GPATCH2L: variants seen among roughly 807,000 people sequenced by gnomAD.
GPATCH2L encodes G patch domain-containing protein 2-like.
A neutral mutation model predicts 57.4 loss-of-function variants in GPATCH2L; 31 were observed. The observed-to-expected ratio is 0.54, with a 90% CI of 0.41 to 0.73. The LOEUF is 0.73. GPATCH2L is among the 30% of genes least tolerant of loss of function. The pLI, the probability that GPATCH2L is intolerant of heterozygous loss-of-function variation, is 0.00. For missense variants in GPATCH2L, 481 were observed against 599.9 expected, an observed-to-expected ratio of 0.80 and a Z score of 2.07; for synonymous variants, 199 against 210.7, an observed-to-expected ratio of 0.94 and a Z score of 0.48.
At position 76,154,529 on chromosome 14, in the gene GPATCH2L, G is replaced by C; in HGVS notation, c.166G>C (p.Glu56Gln). 2 of 1,614,232 alleles carry C rather than the reference G, an allele frequency of 1.2e-6. No homozygotes were observed. The highest frequency in any genetic ancestry group is 1.1e-5 in the South Asian group (1 of 91,092). ...KRRSDFTHLAEHTCCYSEASE... is the reference protein window; with the variant it reads ...KRRSDFTHLAQHTCCYSEASE... Reference sequence around the variant, plus strand: ...TCGTTCTGACTTCACTCACCTGGCAGAGCATACCTGCTGCTACAGCGAGGC... The same window carrying C: ...TCGTTCTGACTTCACTCACCTGGCACAGCATACCTGCTGCTACAGCGAGGC... The change falls in exon 2 of 10, where the codon GAG (glutamate) becomes CAG (glutamine). Residue 56 changes from glutamate (E) to glutamine (Q), a missense_variant. Glu to Gln is a conservative substitution (Grantham distance 29). Coordinates refer to ENST00000261530, the MANE Select transcript of GPATCH2L (RefSeq NM_017926.4). This position sits in a 1 kb window ranked among gnomAD's most constrained non-coding sequence, Gnocchi z 4.4.
chr14:76,188,061 A>G (rs1243384957), intron 8 of GPATCH2L, among the ~76,000 whole-genome samples: 1 of 152,060 alleles, frequency 6.6e-6, no homozygotes, highest in Non-Finnish European at 1.5e-5. Context: ...ATTCTTTTTT[A>G]TGGCTGAATA....
At chr14:76,231,622 TACAC>T (rs60488808) in intron 2 of GPATCH2L, among the ~76,000 whole-genome samples, 24 of 147,472 alleles carry the variant, frequency 1.6e-4, no homozygotes, top group African/African-American at 4.8e-4. Flanking sequence ...ACTAAACACA[TACAC>T]ACACACACAC....
At position 76,154,664 on chromosome 14, in the gene GPATCH2L, A is replaced by T. The variant is rs1238045064; in HGVS notation, c.301A>T (p.Asn101Tyr). ...GGTAGCCAAACGACACCCAGCTCTCAATGCCATTGTCAAGAGTAAGCAACA... is the reference window on the plus strand; with the variant it reads ...GGTAGCCAAACGACACCCAGCTCTCTATGCCATTGTCAAGAGTAAGCAACA... ...TMVAKRHPAL[N>Y]AIVKSKQHSW... Residue 101 changes from asparagine to tyrosine, a missense_variant, in exon 2 of 10, where the codon AAT becomes TAT. Physicochemically the swap from Asn to Tyr is moderately radical, Grantham distance 143. Transcript: ENST00000261530. The surrounding 1 kb of genome is among the most constrained non-coding windows in gnomAD (Gnocchi z 4.4). 1 of 1,614,042 alleles carries T rather than the reference A, an allele frequency of 6.2e-7. No individual in the cohort carries two copies. Among genetic ancestry groups the T allele is most frequent in the Non-Finnish European group, 8.5e-7 (1 of 1,179,876 alleles).
At chr14:76,189,970 C>T (rs2039905106) in intron 8 of GPATCH2L, among the ~76,000 whole-genome samples, 1 of 152,062 alleles carries the variant, frequency 6.6e-6, no homozygotes, top group South Asian at 2.1e-4. Context: ...TGAACTATTC[C>T]TTAAACTAGC....
intron 8 of GPATCH2L, among the ~76,000 whole-genome samples, chr14:76,193,616 A>G (rs965765346): frequency 6.6e-6 from 1 of 152,190 alleles, no homozygotes; most frequent in African/African-American, 2.4e-5. Flanking sequence ...TCAAGTAACA[A>G]GCATCCAGAT....
At position 76,154,983 on chromosome 14, in the gene GPATCH2L, C is replaced by T. The variant is rs1826733474; in HGVS notation, c.620C>T (p.Thr207Ile). 1 of 1,613,636 alleles carries T rather than the reference C, an allele frequency of 6.2e-7. No individual in the cohort carries two copies. The highest frequency in any genetic ancestry group is 8.5e-7 in the Non-Finnish European group (1 of 1,179,966). Residue 207 changes from threonine (T) to isoleucine (I), a missense_variant, in exon 2 of 10, where the codon ACA becomes ATA. Thr to Ile is a moderately conservative substitution (Grantham distance 89). Coordinates refer to ENST00000261530, the MANE Select transcript of GPATCH2L (RefSeq NM_017926.4). This position sits in a 1 kb window ranked among gnomAD's most constrained non-coding sequence, Gnocchi z 4.4. ...TGRKERMECE[T>I]DEQKQGSDEN... ...AGGAAAGAAAGGATGGAGTGTGAAA[C>T]AGATGAACAAAAACAGGGCTCTGAT...
chr14:76,173,839 A>C, intron 5 of GPATCH2L: 1 of 175,094 alleles, frequency 5.7e-6, no homozygotes, highest in Non-Finnish European at 9.5e-6. Flanking sequence ...AGTACTGACA[A>C]AAAAAAAAAA....
chr14:76,164,633 T>C (rs2038747153), intron 2 of GPATCH2L, among the ~76,000 whole-genome samples: 1 of 152,160 alleles, frequency 6.6e-6, no homozygotes, highest in South Asian at 2.1e-4. Context: ...GAATATAGAA[T>C]AAAAAACTAT....
In GPATCH2L at chr14:76,201,972, C is replaced by A; in HGVS notation, c.*121C>A. On this transcript the variant is annotated 3_prime_UTR_variant, in exon 10 of 10. Transcript: ENST00000261530. The stretch of plus-strand genomic sequence containing the variant: ...CCAGTCCTTTCACCACCAGAACCAA[C>A]TCCTCTTTCAAACACAGCAGTGGAT... 1.4e-6 allele frequency: 1 copy of A among 728,030 alleles called. No individual in the cohort carries two copies. 45.1% of individuals were successfully genotyped at this position (728,030 alleles called of 1,614,324 possible).
At chr14:76,171,483 A>G (rs1415397973) in intron 3 of GPATCH2L, among the ~76,000 whole-genome samples, 1 of 152,078 alleles carries the variant, frequency 6.6e-6, no homozygotes, top group East Asian at 1.9e-4. Context: ...AGGCTGAGTC[A>G]GAGAGAATTG....
rs1400186968 is a variant in GPATCH2L at position 76,211,116 on chromosome 14, C to A, written c.*9265C>A. 1.3e-5 allele frequency: 2 copies of A among 152,082 alleles called. No homozygotes were observed. The highest frequency in any genetic ancestry group is 2.9e-5 in the Non-Finnish European group (2 of 68,048). 9.4% of individuals were successfully genotyped at this position (152,082 alleles called of 1,614,324 possible). On this transcript the variant is annotated 3_prime_UTR_variant, in exon 10 of 10. Coordinates refer to ENST00000261530, the MANE Select transcript of GPATCH2L (RefSeq NM_017926.4). ...CAGGAGTTAAGAAGAGTGGATGAAG[C>A]CCTCCAAGGGTAAAAGCATGGTTTA...
At chr14:76,186,405 A>G (rs974493516) in intron 8 of GPATCH2L, among the ~76,000 whole-genome samples, 3 of 152,172 alleles carry the variant, frequency 2.0e-5, no homozygotes, top group Non-Finnish European at 4.4e-5. Flanking sequence ...AAGGAGTTTC[A>G]AAGAGTAAGA....
intron 8 of GPATCH2L, among the ~76,000 whole-genome samples, chr14:76,186,341 A>G (rs183325791): frequency 6.6e-6 from 1 of 152,288 alleles, no homozygotes; most frequent in East Asian, 1.9e-4. Flanking sequence ...TCTGTTCACA[A>G]ACGTTATGAT....
intron 2 of GPATCH2L, among the ~76,000 whole-genome samples, chr14:76,157,709 A>T (rs2038376186): frequency 6.6e-6 from 1 of 151,714 alleles, no homozygotes; most frequent in Admixed American, 6.6e-5. Context: ...GATGTTTTAG[A>T]TTTGAAAATG....
At position 76,201,207 on chromosome 14, in the gene GPATCH2L, G is replaced by A. The variant is rs577014651; in HGVS notation, c.1289-484G>A. ...TGGGTTGTGGCAGGAAGAGCGTGGG[G>A]TTTAGAGTCCAGTATGTGTGCTTGA... is the stretch of plus-strand genomic sequence containing the variant. On this transcript the variant is annotated intron_variant, in intron 9 of 9. Coordinates refer to ENST00000261530, the MANE Select transcript of GPATCH2L (RefSeq NM_017926.4). 3.3e-5 allele frequency among the ~76,000 whole-genome samples: 5 copies of A among 152,268 alleles called. No individual in the cohort carries two copies. In the South Asian group the frequency reaches 1.0e-3, roughly 32 times the overall value.
At chr14:76,224,316 A>G (rs2040527655) in intron 1 of GPATCH2L, among the ~76,000 whole-genome samples, 1 of 152,204 alleles carries the variant, frequency 6.6e-6, no homozygotes, top group African/African-American at 2.4e-5. Flanking sequence ...TATGGTAATC[A>G]TTGCACAACT....
At position 76,186,921 on chromosome 14, in the gene GPATCH2L, C is replaced by T. The variant is rs142013702; in HGVS notation, c.1193+6072C>T. On this transcript the variant is annotated intron_variant, in intron 8 of 9. Transcript: ENST00000261530. ...TTTCAGGTGCCAGTGAGCAGTTTGT[C>T]ACAGACTACTGAGGGTTAGATTTAA... is the stretch of plus-strand genomic sequence containing the variant. Among the ~76,000 whole-genome samples, 684 of 152,220 alleles carry T rather than the reference C, an allele frequency of 4.5e-3. 4 individuals are homozygous for T. The highest frequency in any genetic ancestry group is 0.031 in the Middle Eastern group (9 of 294).
At chr14:76,156,399 T>C (rs2038308208) in intron 2 of GPATCH2L, among the ~76,000 whole-genome samples, 1 of 152,224 alleles carries the variant, frequency 6.6e-6, no homozygotes, top group South Asian at 2.1e-4. Flanking sequence ...AACTTTTTCT[T>C]ATTAACTTTA....
Position 76,231,985 on chromosome 14 carries a change from C to CCTCACTGCAGCCTCACTGCAGG in GPATCH2L, c.*117+2037_*117+2058dup, listed in dbSNP as rs1227889084. Among the ~76,000 whole-genome samples, 84 of 132,924 alleles carry CCTCACTGCAGCCTCACTGCAGG rather than the reference C, an allele frequency of 6.3e-4. 4 individuals carry two copies. Among genetic ancestry groups the CCTCACTGCAGCCTCACTGCAGG allele is most frequent in the Middle Eastern group, 9.2e-3 (2 of 218 alleles). 87.2% of individuals were successfully genotyped at this position (132,924 alleles called of 152,430 possible). A position where few individuals can be genotyped will look rare whatever the true frequency, so the allele number is the denominator to read the frequency against. On this transcript the variant is annotated intron_variant and NMD_transcript_variant, in intron 2 of 3. Transcript: ENST00000556372. ...ACATCTCACTGCAGCCTCACTGCAG[C>CCTCACTGCAGCCTCACTGCAGG]CTCACTGCAGCCTCACTGCAGGCTC...
Sources: allele counts gnomAD v4.1 joint callset (sites outside exome capture counted in the v4.1 genomes callset), GRCh38; gene constraint gnomAD v4.1.1; non-coding constraint Gnocchi (gnomAD v3.1); transcripts MANE v1.5; gene names NCBI Gene and HGNC (gene_info 2026-07-23, HGNC 2026-07-21).